Variants in RABGAP1L observed in about 807,000 individuals in gnomAD.
RABGAP1L encodes the protein rab GTPase-activating protein 1-like.
In RABGAP1L, 63 loss-of-function variants were observed where a neutral mutation model predicts 137.7. The observed-to-expected ratio is 0.46, with a 90% CI of 0.37 to 0.56. RABGAP1L has a LOEUF of 0.56. Ranked by LOEUF, RABGAP1L falls within the 20% of genes least tolerant of loss-of-function variation. The probability of loss-of-function intolerance (pLI) is 0.00; values close to 1 mark genes in which losing one functional copy is unlikely to be tolerated. For synonymous variants in RABGAP1L, 431 were observed against 433.7 expected, an observed-to-expected ratio of 0.99 and a Z score of 0.08; for missense variants, 1,095 against 1,244.0, an observed-to-expected ratio of 0.88 and a Z score of 1.80.
At chr1:174,657,164 A>T (rs1290706942) in intron 14 of RABGAP1L, among the ~76,000 whole-genome samples, 1 of 152,204 alleles carries the variant, frequency 6.6e-6, no homozygotes, top group Non-Finnish European at 1.5e-5. Flanking sequence ...AGTTAGGGTT[A>T]CATAGTGGTA....
intron 17 of RABGAP1L, among the ~76,000 whole-genome samples, chr1:174,731,495 A>G (rs1331164791): frequency 6.6e-6 from 1 of 152,198 alleles, no homozygotes; most frequent in Non-Finnish European, 1.5e-5. Flanking sequence ...TGAAAAATAG[A>G]TCATTATAAT....
chr1:174,739,012 A>G (rs1683175342), intron 17 of RABGAP1L, among the ~76,000 whole-genome samples: 2 of 152,296 alleles, frequency 1.3e-5, no homozygotes, highest in South Asian at 4.1e-4. Flanking sequence ...ATCTTTTTTT[A>G]AATGGAGACA....
intron 18 of RABGAP1L, among the ~76,000 whole-genome samples, chr1:174,758,306 A>G (rs1275257742): frequency 1.3e-5 from 2 of 149,874 alleles, no homozygotes; most frequent in Non-Finnish European, 3.0e-5. Flanking sequence ...CCCCCTAGCC[A>G]TTAGCTTGGA....
At chr1:174,520,982 A>G (rs1663318079) in intron 13 of RABGAP1L, among the ~76,000 whole-genome samples, 1 of 152,236 alleles carries the variant, frequency 6.6e-6, no homozygotes, top group Admixed American at 6.5e-5. Context: ...GCGTGGCGAC[A>G]TAGCGAGACT....
chr1:174,513,267 A>G (rs1662514330), intron 13 of RABGAP1L, among the ~76,000 whole-genome samples: 1 of 152,126 alleles, frequency 6.6e-6, no homozygotes, highest in Non-Finnish European at 1.5e-5. Flanking sequence ...TTTGAAATAT[A>G]ATGTCTGCCA....
chr1:174,330,446 A>G (rs1256676600), intron 11 of RABGAP1L, among the ~76,000 whole-genome samples: 1 of 152,034 alleles, frequency 6.6e-6, no homozygotes, highest in African/African-American at 2.4e-5. Flanking sequence ...TTAATAGGGC[A>G]CAGTGGCACC....
At chr1:174,425,969 CT>C (rs1307648287) in intron 13 of RABGAP1L, among the ~76,000 whole-genome samples, 35 of 151,960 alleles carry the variant, frequency 2.3e-4, no homozygotes, top group Admixed American at 4.6e-4. Context: ...AAATAAGTTT[CT>C]TCTATTTAGA....
chr1:174,526,876 G>C (rs556118334), intron 13 of RABGAP1L, among the ~76,000 whole-genome samples: 2 of 151,868 alleles, frequency 1.3e-5, no homozygotes, highest in East Asian at 3.9e-4. Context: ...TTGTGGTTTG[G>C]TTTGTTCTTG....
At chr1:174,360,067 G>A (rs1185904624) in intron 11 of RABGAP1L, among the ~76,000 whole-genome samples, 1 of 152,012 alleles carries the variant, frequency 6.6e-6, no homozygotes, top group Non-Finnish European at 1.5e-5. Context: ...TTTTCCTGTG[G>A]TTCTCCTCTG....
At chr1:174,479,628 T>C (rs1165180528) in intron 13 of RABGAP1L, among the ~76,000 whole-genome samples, 1 of 152,148 alleles carries the variant, frequency 6.6e-6, no homozygotes. Context: ...GCCAGTGTAG[T>C]ATTTGGTTAA....
chr1:174,553,361 G>A lies in RABGAP1L; in HGVS notation c.1711-84014G>A, dbSNP rs562873563. ...TCTTCCAGGGTTTTTGCAGTTTTACGTTTTGCATTTAAGTCTTTAATCCAT... is the reference window on the plus strand; with the variant it reads ...TCTTCCAGGGTTTTTGCAGTTTTACATTTTGCATTTAAGTCTTTAATCCAT... On this transcript the variant is annotated intron_variant, in intron 13 of 25. Coordinates refer to ENST00000681986, the MANE Select transcript of RABGAP1L (RefSeq NM_001366446.1). 3.9e-5 allele frequency among the ~76,000 whole-genome samples: 6 copies of A among 152,198 alleles called. No individual in the cohort carries two copies. In the South Asian group the frequency reaches 1.0e-3, roughly 26 times the overall value.
chr1:174,945,574 T>C (rs1301561406), intron 19 of RABGAP1L: 1 of 152,198 alleles, frequency 6.6e-6, no homozygotes, highest in Non-Finnish European at 1.5e-5. Flanking sequence ...AATGTCCTTT[T>C]TTTTTTTCCT....
chr1:174,832,623 G>T (rs1692229641), intron 19 of RABGAP1L, among the ~76,000 whole-genome samples: 1 of 123,220 alleles, frequency 8.1e-6, no homozygotes, highest in African/African-American at 2.8e-5. Flanking sequence ...CCCTCCAGCA[G>T]CCCCTTCTCC....
chr1:174,425,282 G>A (rs1651817032), intron 13 of RABGAP1L, among the ~76,000 whole-genome samples: 1 of 151,894 alleles, frequency 6.6e-6, no homozygotes, highest in African/African-American at 2.4e-5. Context: ...GCACCTTTTT[G>A]AATGTAAACA....
At chr1:174,952,755 A>G (rs2149329237) in intron 19 of RABGAP1L, among the ~76,000 whole-genome samples, 2 of 152,032 alleles carry the variant, frequency 1.3e-5, no homozygotes, top group South Asian at 4.2e-4. Context: ...ATGCTCAGCT[A>G]ATTTTTGTAT....
chr1:174,210,363 T>C (rs1668794542), intron 1 of RABGAP1L, among the ~76,000 whole-genome samples: 1 of 152,190 alleles, frequency 6.6e-6, no homozygotes, highest in Non-Finnish European at 1.5e-5. Flanking sequence ...GAATTCAGAA[T>C]TCTATCAGAT....
chr1:174,416,548 A>C (rs1289141718), intron 13 of RABGAP1L, among the ~76,000 whole-genome samples: 1 of 152,154 alleles, frequency 6.6e-6, no homozygotes, highest in East Asian at 1.9e-4. Context: ...AAGGCTTCTT[A>C]ACTTCTAATC....
rs143959862 is a variant in RABGAP1L, at chr1:174,813,032, G to T, written c.2340+1072G>T. On this transcript the variant is annotated intron_variant, in intron 19 of 25. Coordinates refer to ENST00000681986, the MANE Select transcript of RABGAP1L (RefSeq NM_001366446.1). The stretch of plus-strand genomic sequence containing the variant: ...AAAGAGCCAGAAAATGTAGGCCATT[G>T]TAAGCATTTAGGCTTTACTTTGAGT... 2.8e-4 allele frequency among the ~76,000 whole-genome samples: 43 copies of T among 152,346 alleles called. No homozygotes were observed. In the East Asian group the frequency reaches 7.3e-3, roughly 26 times the overall value.
At chr1:174,426,364 T>C (rs1356760307) in intron 13 of RABGAP1L, among the ~76,000 whole-genome samples, 1 of 152,098 alleles carries the variant, frequency 6.6e-6, no homozygotes, top group East Asian at 1.9e-4. Context: ...TATGTAAGCA[T>C]TTAAACTATT....
Sources: gnomAD v4.1 joint callset for allele counts (sites outside exome capture counted in the v4.1 genomes callset) on GRCh38, gnomAD v4.1.1 for gene constraint, MANE v1.5 for transcripts, NCBI Gene and HGNC (gene_info 2026-07-23, HGNC 2026-07-21) for gene names.